Variants in AZIN1 observed in about 807,000 individuals in gnomAD.
AZIN1 encodes the protein ornithine decarboxylase antizyme inhibitor.
Under a neutral mutation model 47.4 loss-of-function variants are expected in AZIN1, and 12 were observed. The observed-to-expected ratio is 0.25, with a 90% CI of 0.16 to 0.41. The LOEUF (loss-of-function observed/expected upper bound fraction) is 0.41. Ranked by LOEUF, AZIN1 falls within the 10% of genes least tolerant of loss-of-function variation. The pLI is 1.00. For missense variants in AZIN1, 410 were observed against 532.4 expected (o/e 0.77, Z 2.26); for synonymous variants, 155 against 176.3 (o/e 0.88, Z 0.96).
At chr8:102,835,236 G>A (rs1811744796) in intron 6 of AZIN1, 2 of 153,664 alleles carry the variant, frequency 1.3e-5, no homozygotes, top group African/African-American at 4.8e-5. Context: ...TAGTGATAAA[G>A]TTTCAGAATA....
chr8:102,836,708 C>T (rs1811846269), intron 5 of AZIN1, among the ~76,000 whole-genome samples: 1 of 152,140 alleles, frequency 6.6e-6, no homozygotes, highest in South Asian at 2.1e-4. Context: ...TCCATAAATC[C>T]ACCTAGGAAG....
At chr8:102,852,952 A>G (rs1813013657) in intron 2 of AZIN1, among the ~76,000 whole-genome samples, 1 of 152,234 alleles carries the variant, frequency 6.6e-6, no homozygotes, top group Non-Finnish European at 1.5e-5. Flanking sequence ...TTAGAACAGT[A>G]GCCTGCCATA....
chr8:102,863,595 G>C (rs1813900567), intron 1 of AZIN1, among the ~76,000 whole-genome samples: 1 of 148,396 alleles, frequency 6.7e-6, no homozygotes, highest in Non-Finnish European at 1.5e-5. Flanking sequence ...GCAGCCGCCC[G>C]AAGGTCCTGA....
At chr8:102,832,270 A>G (rs1313612651) in intron 9 of AZIN1, among the ~76,000 whole-genome samples, 1 of 152,074 alleles carries the variant, frequency 6.6e-6, no homozygotes, top group East Asian at 1.9e-4. Context: ...AAAAGACAAT[A>G]TTGGGGAAAT....
At chr8:102,837,465 A>C (rs1381015238) in intron 5 of AZIN1, among the ~76,000 whole-genome samples, 1 of 152,228 alleles carries the variant, frequency 6.6e-6, no homozygotes, top group Non-Finnish European at 1.5e-5. Flanking sequence ...AAGGTTAATA[A>C]TATGGCCATG....
intron 4 of AZIN1, 40 bp downstream of exon 4, chr8:102,839,610 T>C (rs765296838): frequency 7.1e-7 from 1 of 1,402,182 alleles, no homozygotes; most frequent in Non-Finnish European, 9.6e-7. Flanking sequence ...AGTTAAATTA[T>C]TCAATGTTTC....
intron 5 of AZIN1, among the ~76,000 whole-genome samples, chr8:102,838,116 G>T (rs1441983308): frequency 1.3e-5 from 2 of 151,754 alleles, no homozygotes; most frequent in Non-Finnish European, 2.9e-5. Flanking sequence ...ACCAGCCTCA[G>T]TCTCCTAAAG....
At chr8:102,858,643 TCCA>T (rs1039516177) in intron 1 of AZIN1, among the ~76,000 whole-genome samples, 2 of 151,850 alleles carry the variant, frequency 1.3e-5, no homozygotes, top group African/African-American at 4.9e-5. Context: ...AATGTAAAAA[TCCA>T]CCACAATACC....
rs1483379892 is a variant in AZIN1 at position 102,834,521 on chromosome 8, G to T, written c.666+145C>A. ...TGCTTAAAAGGTGTGACTGTACAGA[G>T]CTCTGAATGCTTATATAATAAAAAT... On this transcript the variant is annotated intron_variant, in intron 7 of 11. Transcript: ENST00000337198. The T allele has an allele frequency of 4.5e-6, 3 of 668,912 alleles. No individual in the cohort carries two copies. In the East Asian group the frequency reaches 8.1e-5, roughly 18 times the overall value. 41.4% of individuals were successfully genotyped at this position (668,912 alleles called of 1,614,324 possible). A position where few individuals can be genotyped will look rare whatever the true frequency, so the allele number is the denominator to read the frequency against.
rs79246673 is a variant in AZIN1, at chr8:102,829,573, G to A, written c.1021-87C>T. 845 of 1,250,846 alleles carry A rather than the reference G, an allele frequency of 6.8e-4. 7 individuals carry two copies. In the African/African-American group the frequency reaches 0.011, roughly 16 times the overall value. The allele number at this position is 1,250,846 out of a possible 1,614,324, so 77.5% of individuals were successfully genotyped here. On this transcript the variant is annotated intron_variant, in intron 10 of 11. Transcript: ENST00000337198. ...GTAAATAAGTATTTTCACTGTCTCA[G>A]ATCCAATGTGCTCATGGAAAAAAGG...
intron 4 of AZIN1, 127 bp downstream of exon 4, chr8:102,839,523 T>C: frequency 1.5e-6 from 1 of 654,376 alleles, no homozygotes; most frequent in Non-Finnish European, 2.3e-6. Context: ...AGGCTGGAGA[T>C]TTAAACAATT....
chr8:102,835,830 C>T (rs1240887667), intron 6 of AZIN1, among the ~76,000 whole-genome samples: 2 of 152,004 alleles, frequency 1.3e-5, no homozygotes, highest in African/African-American at 4.8e-5. Flanking sequence ...CTTGGAGTCT[C>T]GGTTTCCTCA....
chr8:102,844,160 T>C (rs1170193313), intron 2 of AZIN1, among the ~76,000 whole-genome samples: 2 of 152,204 alleles, frequency 1.3e-5, no homozygotes, highest in African/African-American at 4.8e-5. Flanking sequence ...ACTTCCAATA[T>C]ACTGTCAGCC....
At chr8:102,829,988 T>G (rs528351573) in intron 9 of AZIN1, 52 bp from the exon 10 acceptor site, 2 of 1,124,310 alleles carry the variant, frequency 1.8e-6, no homozygotes, top group African/African-American at 1.6e-5. Flanking sequence ...ATGGCTCATA[T>G]GAAACAAATT....
intron 3 of AZIN1, among the ~76,000 whole-genome samples, chr8:102,843,085 T>TA (rs1812322775): frequency 6.6e-6 from 1 of 150,784 alleles, no homozygotes; most frequent in Non-Finnish European, 1.5e-5. Context: ...TGTGCGCCTG[T>TA]AATTCTAGCT....
At chr8:102,831,864 G>A (rs1811484529) in intron 9 of AZIN1, among the ~76,000 whole-genome samples, 1 of 151,882 alleles carries the variant, frequency 6.6e-6, no homozygotes, top group Admixed American at 6.6e-5. Context: ...TTGAAGGTAG[G>A]AGGACTGCTT....
intron 9 of AZIN1, among the ~76,000 whole-genome samples, chr8:102,831,948 A>C (rs538501513): frequency 5.9e-4 from 89 of 152,068 alleles, no homozygotes; most frequent in Non-Finnish European, 1.2e-3. Flanking sequence ...AAACAACAAG[A>C]AAAAACACCT....
intron 1 of AZIN1, 85 bp from the exon 2 acceptor site, chr8:102,858,235 G>A (rs192735827): frequency 4.8e-5 from 19 of 396,860 alleles, no homozygotes; most frequent in Non-Finnish European, 7.1e-5. Context: ...TGTAGAATAC[G>A]TGTTCATTTT....
chr8:102,849,941 G>A (rs1163974599), intron 2 of AZIN1: 2 of 152,124 alleles, frequency 1.3e-5, no homozygotes, highest in South Asian at 2.1e-4. Context: ...CATGTTCATC[G>A]ACAGGGTAGC....
Sources: gnomAD v4.1 joint callset for allele counts (sites outside exome capture counted in the v4.1 genomes callset) on GRCh38, gnomAD v4.1.1 for gene constraint, MANE v1.5 for transcripts, NCBI Gene and HGNC (gene_info 2026-07-23, HGNC 2026-07-21) for gene names.